Variants in PDE6D observed in about 807,000 individuals in gnomAD.
The protein encoded by PDE6D is retinal rod rhodopsin-sensitive cGMP 3',5'-cyclic phosphodiesterase subunit delta.
In PDE6D, 10 loss-of-function variants were observed where a neutral mutation model predicts 21.9. That is an observed-to-expected ratio of 0.46 (90% CI 0.28 to 0.78). The LOEUF (loss-of-function observed/expected upper bound fraction) is 0.78. PDE6D is among the 30% of genes least tolerant of loss of function. PDE6D has a pLI of 0.12. For missense variants in PDE6D, 139 were observed against 184.8 expected (o/e 0.75, Z 1.44); for synonymous variants, 59 against 63.5 (o/e 0.93, Z 0.34).
intron 1 of PDE6D, among the ~76,000 whole-genome samples, chr2:231,745,428 GC>G (rs2048786433): frequency 6.6e-6 from 1 of 152,176 alleles, no homozygotes; most frequent in East Asian, 1.9e-4. Context: ...AGGTGGACAG[GC>G]TTTAAAGGAG....
intron 1 of PDE6D, chr2:231,779,517 G>A (rs1333792117): frequency 6.6e-6 from 1 of 152,172 alleles, no homozygotes; most frequent in African/African-American, 2.4e-5. Context: ...AGCATGTTAA[G>A]TAGCAATATT....
chr2:231,744,622 G>C (rs2048777802), intron 1 of PDE6D, among the ~76,000 whole-genome samples: 1 of 151,894 alleles, frequency 6.6e-6, no homozygotes, highest in South Asian at 2.1e-4. Context: ...TAGTAGCGAT[G>C]GGGTTTCTCC....
At chr2:231,758,422 C>G (rs576352910) in intron 1 of PDE6D, among the ~76,000 whole-genome samples, 1 of 152,154 alleles carries the variant, frequency 6.6e-6, no homozygotes, top group Admixed American at 6.5e-5. Context: ...CAGGCATAAG[C>G]CACTGCATCT....
At position 231,732,815 on chromosome 2, in the gene PDE6D, G is replaced by C; in HGVS notation, c.*137C>G. 1.5e-6 allele frequency: 1 copy of C among 660,872 alleles called. No individual in the cohort carries two copies. The highest frequency in any genetic ancestry group is 1.8e-5 in the African/African-American group (1 of 55,628). 40.9% of individuals were successfully genotyped at this position (660,872 alleles called of 1,614,324 possible). On this transcript the variant is annotated 3_prime_UTR_variant, in exon 5 of 5. Transcript: ENST00000287600. The stretch of plus-strand genomic sequence containing the variant: ...TTACCTACACAGAGCTGGTCCCCTG[G>C]TGGCTGCAGGTAGGTTCTGCTGTTG...
chr2:231,752,495 A>C (rs6719408), intron 1 of PDE6D, among the ~76,000 whole-genome samples: 9 of 152,040 alleles, frequency 5.9e-5, no homozygotes, highest in Non-Finnish European at 1.3e-4. Flanking sequence ...AAGGAGGCAC[A>C]TTATGGAAGT....
intron 1 of PDE6D, among the ~76,000 whole-genome samples, chr2:231,761,942 G>A (rs2048933304): frequency 6.6e-6 from 1 of 152,146 alleles, no homozygotes; most frequent in Non-Finnish European, 1.5e-5. Flanking sequence ...CAGGGTCCTG[G>A]GTATCTTTGT....
At position 231,781,159 on chromosome 2, in the gene PDE6D, A is replaced by T; in HGVS notation, c.-45T>A. 1 of 1,598,838 alleles carries T rather than the reference A, an allele frequency of 6.3e-7. No individual in the cohort carries two copies. Among genetic ancestry groups the T allele is most frequent in the African/African-American group, 1.3e-5 (1 of 74,550 alleles). On this transcript the variant is annotated 5_prime_UTR_variant, in exon 1 of 5. Transcript: ENST00000287600. ...GCGGCTTTCTCACTCTGGTCGGCGG[A>T]GCCTCGCAGACGGTGCCCAGGAGCC...
intron 1 of PDE6D, among the ~76,000 whole-genome samples, chr2:231,741,910 T>C (rs963025886): frequency 2.0e-5 from 3 of 152,194 alleles, no homozygotes; most frequent in Non-Finnish European, 4.4e-5. Context: ...GCACGAAATG[T>C]TGAGAAACAA....
At chr2:231,774,556 G>C (rs1442928270) in intron 1 of PDE6D, among the ~76,000 whole-genome samples, 1 of 151,726 alleles carries the variant, frequency 6.6e-6, no homozygotes, top group Non-Finnish European at 1.5e-5. Context: ...AAATGAGAGT[G>C]CCCCTTTCCC....
In PDE6D at chr2:231,781,104, T is replaced by C; in HGVS notation, c.11A>G (p.Lys4Arg). 2 of 1,613,428 alleles carry C rather than the reference T, an allele frequency of 1.2e-6. No individual in the cohort carries two copies. The highest frequency in any genetic ancestry group is 1.7e-6 in the Non-Finnish European group (2 of 1,179,776). Residue 4 changes from lysine (K) to arginine (R), a missense_variant, in exon 1 of 5, where the codon AAG becomes AGG. Physicochemically the swap from Lys to Arg is conservative, Grantham distance 26. Coordinates refer to ENST00000287600, the MANE Select transcript of PDE6D (RefSeq NM_002601.4). ...CAGGATCTCCCTGGCCCGCTCGTCCTTGGCTGACATGATGCGGCGGTCGCC... is the reference window on the plus strand; with the variant it reads ...CAGGATCTCCCTGGCCCGCTCGTCCCTGGCTGACATGATGCGGCGGTCGCC... MSA[K>R]DERAREILRG...
chr2:231,776,305 G>C (rs1324385597), intron 1 of PDE6D, among the ~76,000 whole-genome samples: 2 of 119,368 alleles, frequency 1.7e-5, no homozygotes, highest in African/African-American at 6.3e-5. Context: ...GGGGTGACAA[G>C]AGCAAGACTC....
chr2:231,779,954 G>A (rs182432620), intron 1 of PDE6D, among the ~76,000 whole-genome samples: 5 of 152,188 alleles, frequency 3.3e-5, no homozygotes, highest in African/African-American at 1.2e-4. Context: ...ACCTCCAAGG[G>A]AGGAGCCCTG....
chr2:231,756,848 A>G (rs1399432193), intron 1 of PDE6D, among the ~76,000 whole-genome samples: 1 of 151,790 alleles, frequency 6.6e-6, no homozygotes, highest in Non-Finnish European at 1.5e-5. Flanking sequence ...GAGAAAGTGA[A>G]GTCAAGCTCT....
chr2:231,749,362 C>T (rs559103867), intron 1 of PDE6D, among the ~76,000 whole-genome samples: 1 of 152,242 alleles, frequency 6.6e-6, no homozygotes, highest in Admixed American at 6.5e-5. Context: ...TTGTTTTGGC[C>T]AATTTCTCCC....
intron 1 of PDE6D, among the ~76,000 whole-genome samples, chr2:231,754,964 C>T (rs1559322248): frequency 6.6e-6 from 1 of 152,092 alleles, no homozygotes; most frequent in Non-Finnish European, 1.5e-5. Context: ...TCCTAACCCC[C>T]AATGTGATGG....
At chr2:231,761,827 A>G (rs16828383) in intron 1 of PDE6D, among the ~76,000 whole-genome samples, 1,935 of 152,272 alleles carry the variant, frequency 0.013, 40 homozygotes, top group African/African-American at 0.044. Flanking sequence ...CAGCAGTCAA[A>G]TATCTTTCTC....
chr2:231,752,682 T>C (rs1036752075), intron 1 of PDE6D, among the ~76,000 whole-genome samples: 1 of 152,028 alleles, frequency 6.6e-6, no homozygotes, highest in African/African-American at 2.4e-5. Flanking sequence ...CTGCAATCTT[T>C]TGTGCTGCTC....
chr2:231,771,000 C>T (rs1252236405), intron 1 of PDE6D, among the ~76,000 whole-genome samples: 2 of 150,992 alleles, frequency 1.3e-5, no homozygotes, highest in Admixed American at 6.6e-5. Context: ...ATGGTGTGCA[C>T]CTGTAGTCCC....
chr2:231,750,393 G>A (rs2106270261), intron 1 of PDE6D, among the ~76,000 whole-genome samples: 1 of 152,016 alleles, frequency 6.6e-6, no homozygotes, highest in Non-Finnish European at 1.5e-5. Context: ...TATAGAGGGG[G>A]ACAATATCTT....
Sources: allele counts gnomAD v4.1 joint callset (sites outside exome capture counted in the v4.1 genomes callset), GRCh38; gene constraint gnomAD v4.1.1; transcripts MANE v1.5; gene names NCBI Gene and HGNC (gene_info 2026-07-23, HGNC 2026-07-21).